Variants in ZNF878 observed in about 807,000 individuals in gnomAD.
The protein encoded by ZNF878 is zinc finger protein 878.
ZNF878 carries 10 observed loss-of-function variants against 11.1 expected under a neutral mutation model. The observed-to-expected ratio is 0.90, with a 90% CI of 0.56 to 1.53. The LOEUF (loss-of-function observed/expected upper bound fraction) is 1.53. Among genes scored for constraint, ZNF878 ranks in the 40% most tolerant of loss-of-function variants. The pLI is 0.00. For synonymous variants in ZNF878, 165 were observed against 209.7 expected (o/e 0.79, Z 1.84); for missense variants, 548 against 626.1 (o/e 0.88, Z 1.33).
intron 1 of ZNF878, among the ~76,000 whole-genome samples, chr19:12,048,405 C>T (rs1194734412): frequency 6.6e-6 from 1 of 151,538 alleles, no homozygotes. Flanking sequence ...ATAGTCCCAG[C>T]TACTCGGGAG....
chr19:12,044,687 A>AG lies in ZNF878; in HGVS notation c.713dup (p.Pro239SerfsTer18), dbSNP rs572708498. 1.1e-3 allele frequency: 1,766 copies of AG among 1,614,062 alleles called. 42 individuals carry two copies. In the South Asian group the frequency reaches 0.018, roughly 17 times the overall value. On this transcript the variant is annotated frameshift_variant, in exon 4 of 4. Coordinates refer to ENST00000547628, the MANE Select transcript of ZNF878 (RefSeq NM_001080404.3). LOFTEE classifies it low-confidence loss of function (END_TRUNC). ...TCTCGTGTCTTTTTAACGAACTGGG[A>AG]GAAAAAAAGGCTTTCCCACATATGT...
intron 3 of ZNF878, among the ~76,000 whole-genome samples, chr19:12,045,773 CT>C (rs979655076): frequency 6.6e-6 from 1 of 152,038 alleles, no homozygotes; most frequent in Non-Finnish European, 1.5e-5. Context: ...TGTCGTCAGG[CT>C]GGAGTGCAGT....
Position 12,044,273 on chromosome 19 carries a change from G to A in ZNF878, c.1128C>T (p.Phe376=). 1 of 1,613,738 alleles carries A rather than the reference G, an allele frequency of 6.2e-7. No homozygotes were observed. Among genetic ancestry groups the A allele is most frequent in the Non-Finnish European group, 8.5e-7 (1 of 1,179,930 alleles). The change falls in exon 4 of 4, where the codon TTC becomes TTT. Residue 376 remains phenylalanine (F), a synonymous_variant. Coordinates refer to ENST00000547628, the MANE Select transcript of ZNF878 (RefSeq NM_001080404.3). ...GATAGTGAAAGGAATTGGAAGAAGT[G>A]AAGGTTTTCCCACATTGTTTACATT... ...PFECKQCGKT[F]TSSNSFHYHE...
Position 12,044,528 on chromosome 19 carries a change from G to A in ZNF878, c.873C>T (p.Ala291=), listed in dbSNP as rs757483478. Residue 291 remains alanine, a synonymous_variant, in exon 4 of 4, where the codon GCC becomes GCT. Coordinates refer to ENST00000547628, the MANE Select transcript of ZNF878 (RefSeq NM_001080404.3). ...CTCGCAGGTACTTGACAGATCTGAAGGCTTTCCTACATTGTGTACACTCAT... is the reference window on the plus strand; with the variant it reads ...CTCGCAGGTACTTGACAGATCTGAAAGCTTTCCTACATTGTGTACACTCAT... The part of the protein sequence containing the change: ...KPYECTQCRK[A]FRSVKYLRVH... The A allele has an allele frequency of 6.2e-6, 10 of 1,613,482 alleles. No homozygotes were observed. Among genetic ancestry groups the A allele is most frequent in the African/African-American group, 1.3e-5 (1 of 74,768 alleles).
chr19:12,049,466 A>AAAAAAAAAAG (rs1975529875), intron 1 of ZNF878, among the ~76,000 whole-genome samples: 1 of 146,288 alleles, frequency 6.8e-6, no homozygotes, highest in Non-Finnish European at 1.5e-5. Context: ...CTCTCAAAAA[A>AAAAAAAAAAG]AAAAAAAAAA....
intron 3 of ZNF878, 70 bp from the exon 4 acceptor site, chr19:12,045,279 G>C (rs1975462582): frequency 6.2e-6 from 8 of 1,296,264 alleles, no homozygotes; most frequent in Non-Finnish European, 8.3e-6. Flanking sequence ...TATTACACTT[G>C]CATTTTTAAC....
Position 12,045,119 on chromosome 19 carries a change from CT to C in ZNF878, c.281del (p.Lys94ArgfsTer19). 6.2e-7 allele frequency: 1 copy of C among 1,613,168 alleles called. No homozygotes were observed. Among genetic ancestry groups the C allele is most frequent in the Non-Finnish European group, 8.5e-7 (1 of 1,179,494 alleles). On this transcript the variant is annotated frameshift_variant, in exon 4 of 4. Transcript: ENST00000547628. LOFTEE classifies it low-confidence loss of function (END_TRUNC). Reference sequence around the variant, plus strand: ...CATATGATTGTACTCCAGGAGTTTTCTTCTTCAGTGTGTCATCTGGAACCTG... The same window carrying C: ...CATATGATTGTACTCCAGGAGTTTTCTCTTCAGTGTGTCATCTGGAACCTG... The part of the protein sequence containing the change: ...LTQVPDDTLK[K>X]KTPGVQSYES...
chr19:12,044,440 T>C lies in ZNF878; in HGVS notation c.961A>G (p.Ile321Val), dbSNP rs200897750. The part of the protein sequence containing the change: ...YECKLCGKGF[I>V]SSTSFRYHEK... ...TGATAGCGAAAGGAAGTGGAAGAAA[T>C]AAATCCCTTACCACATAGCTTACAC... The change falls in exon 4 of 4, where the codon ATT (isoleucine) becomes GTT (valine). Residue 321 changes from isoleucine (I) to valine (V), a missense_variant. Physicochemically the swap from Ile to Val is conservative, Grantham distance 29. This residue lies in a region of ZNF878 where 335 missense variants were observed against 358.2 expected (regional missense o/e 0.94). Transcript: ENST00000547628. The C allele has an allele frequency of 4.9e-5, 79 of 1,613,642 alleles. No homozygotes were observed. The highest frequency in any genetic ancestry group is 4.8e-5 in the Non-Finnish European group (57 of 1,179,934).
Position 12,044,439 on chromosome 19 carries a change from A to G in ZNF878, c.962T>C (p.Ile321Thr). ...ATGATAGCGAAAGGAAGTGGAAGAA[A>G]TAAATCCCTTACCACATAGCTTACA... ...YECKLCGKGF[I>T]SSTSFRYHEK... The change falls in exon 4 of 4, where the codon ATT (isoleucine) becomes ACT (threonine). Residue 321 changes from isoleucine to threonine, a missense_variant. Physicochemically the swap from Ile to Thr is moderately conservative, Grantham distance 89 (BLOSUM62 -1). Around this residue, in one of 3 missense-constraint regions of ZNF878, gnomAD observed 335 missense variants for 358.2 expected, o/e 0.94. Coordinates refer to ENST00000547628, the MANE Select transcript of ZNF878 (RefSeq NM_001080404.3). 1 of 1,612,142 alleles carries G rather than the reference A, an allele frequency of 6.2e-7. No individual in the cohort carries two copies. The highest frequency in any genetic ancestry group is 1.3e-5 in the African/African-American group (1 of 74,258).
Position 12,044,090 on chromosome 19 carries a change from T to A in ZNF878, c.1311A>T (p.Gln437His). 6.2e-7 allele frequency: 1 copy of A among 1,610,800 alleles called. No individual in the cohort carries two copies. The highest frequency in any genetic ancestry group is 8.5e-7 in the Non-Finnish European group (1 of 1,179,154). Reference protein sequence around the residue: ...QCGKVFRVASQLKMHERTHTG... With the variant: ...QCGKVFRVASHLKMHERTHTG... ...TGTGAGTCCTTTCATGCATTTTAAG[T>A]TGTGAGGCAACTCTAAAGACTTTAC... The change falls in exon 4 of 4, where the codon CAA (glutamine) becomes CAT (histidine). Residue 437 changes from glutamine (Q) to histidine (H), a missense_variant. Gln to His is a conservative substitution (Grantham distance 24, BLOSUM62 0). This residue lies in a region of ZNF878 where 335 missense variants were observed against 358.2 expected (regional missense o/e 0.94). Transcript: ENST00000547628.
intron 3 of ZNF878, among the ~76,000 whole-genome samples, chr19:12,045,763 T>G (rs373285746): frequency 6.6e-6 from 1 of 152,092 alleles, no homozygotes; most frequent in Admixed American, 6.5e-5. Context: ...AGTCTCACTC[T>G]GTCGTCAGGC....
chr19:12,050,947 T>C (rs1385726291), intron 1 of ZNF878, among the ~76,000 whole-genome samples: 1 of 150,896 alleles, frequency 6.6e-6, no homozygotes, highest in Non-Finnish European at 1.5e-5. Context: ...TACAAAAAAA[T>C]TAGCCGGGCG....
downstream of ZNF878, chr19:12,043,788 T>G: frequency 6.4e-7 from 1 of 1,572,260 alleles, no homozygotes; most frequent in Non-Finnish European, 8.6e-7. Flanking sequence ...ACCATATTGC[T>G]TACATCCATA....
chr19:12,045,465 G>A (rs1975466780), intron 3 of ZNF878, among the ~76,000 whole-genome samples: 1 of 151,998 alleles, frequency 6.6e-6, no homozygotes. Flanking sequence ...GGCTAACATG[G>A]TGAAACCCTG....
rs760372039 is a variant in ZNF878 at position 12,044,361 on chromosome 19, G to C, written c.1040C>G (p.Ala347Gly). ...KPYECKKCVKAFSFVKDLRIH... is the reference protein window; with the variant it reads ...KPYECKKCVKGFSFVKDLRIH... ...TCGAAGATCCTTGACAAAACTGAAG[G>C]CTTTCACACATTTTTTACATTCATA... Residue 347 changes from alanine (A) to glycine (G), a missense_variant, in exon 4 of 4, where the codon GCC (alanine) becomes GGC (glycine). Around this residue, in one of 3 missense-constraint regions of ZNF878, gnomAD observed 335 missense variants for 358.2 expected, o/e 0.94. Coordinates refer to ENST00000547628, the MANE Select transcript of ZNF878 (RefSeq NM_001080404.3). 1.2e-6 allele frequency: 2 copies of C among 1,612,526 alleles called. No homozygotes were observed. The highest frequency in any genetic ancestry group is 2.7e-5 in the African/African-American group (2 of 74,816).
intron 1 of ZNF878, among the ~76,000 whole-genome samples, chr19:12,048,930 G>A (rs1450610476): frequency 6.7e-6 from 1 of 150,352 alleles, no homozygotes; most frequent in Non-Finnish European, 1.5e-5. Flanking sequence ...AGATCACAAA[G>A]TCAGGAGTTT....
intron 1 of ZNF878, among the ~76,000 whole-genome samples, chr19:12,050,988 T>C (rs1489574117): frequency 7.0e-6 from 1 of 142,998 alleles, no homozygotes; most frequent in African/African-American, 2.6e-5. Flanking sequence ...CCCAGCTACT[T>C]GGGAGGCTGA....
In ZNF878 at chr19:12,046,340, ATTGTTTTC is replaced by A. The variant is rs769285953; in HGVS notation, c.191+20_191+27del. 6.7e-7 allele frequency: 1 copy of A among 1,498,458 alleles called. No individual in the cohort carries two copies. The highest frequency in any genetic ancestry group is 1.2e-5 in the South Asian group (1 of 80,746). The allele number at this position is 1,498,458 out of a possible 1,614,324, so 92.8% of individuals were successfully genotyped here. A position where few individuals can be genotyped will look rare whatever the true frequency, so the allele number is the denominator to read the frequency against. ...CCATTCTAAGATTGTATACAGAGAC[ATTGTTTTC>A]TCTTTTAAGTGCCAGTTACCTTAGG... On this transcript the variant is annotated intron_variant, in intron 3 of 3. Coordinates refer to ENST00000547628, the MANE Select transcript of ZNF878 (RefSeq NM_001080404.3).
rs1975492737 is a variant in ZNF878 at position 12,046,652 on chromosome 19, T to G, written c.112A>C (p.Arg38=). Residue 38 remains arginine (R), a synonymous_variant, in exon 2 of 4, where the codon AGG becomes CGG. Transcript: ENST00000547628. ...TTCTTACCTATGGAGGTCAGGTTCC[T>G]CAAGGTTTCCTGCATCACTTCCCTG... ...LYREVMQETL[R]NLTSIGKKWN... 1 of 1,614,050 alleles carries G rather than the reference T, an allele frequency of 6.2e-7. No homozygotes were observed. Among genetic ancestry groups the G allele is most frequent in the Non-Finnish European group, 8.5e-7 (1 of 1,179,974 alleles).
Sources: allele counts gnomAD v4.1 joint callset (sites outside exome capture counted in the v4.1 genomes callset), GRCh38; gene constraint gnomAD v4.1.1; regional missense constraint gnomAD v4.1.1; transcripts MANE v1.5; gene names NCBI Gene and HGNC (gene_info 2026-07-23, HGNC 2026-07-21).